Variants in TRAM2 observed in about 807,000 individuals in gnomAD.
TRAM2 encodes translocating chain-associated membrane protein 2.
A neutral mutation model predicts 51.0 loss-of-function variants in TRAM2; 12 were observed. The ratio of observed to expected loss-of-function variants is 0.24; its 90% CI spans 0.15 to 0.38. TRAM2 has a LOEUF of 0.38. Among genes scored for constraint, TRAM2 ranks in the 10% least tolerant of loss-of-function variants. The pLI is 1.00. For missense variants in TRAM2, 361 were observed against 462.0 expected (o/e 0.78, Z 2.00); for synonymous variants, 175 against 179.4 (o/e 0.98, Z 0.20).
intron 1 of TRAM2, among the ~76,000 whole-genome samples, chr6:52,560,115 C>T (rs767996472): frequency 6.6e-6 from 1 of 151,786 alleles, no homozygotes; most frequent in Non-Finnish European, 1.5e-5. Context: ...TGGTGGTGGG[C>T]GCCTGTAATC....
intron 2 of TRAM2, among the ~76,000 whole-genome samples, chr6:52,534,425 G>C (rs1399850385): frequency 6.6e-6 from 1 of 152,160 alleles, no homozygotes; most frequent in African/African-American, 2.4e-5. Context: ...AAAGAGGAAA[G>C]AACTAGGTTC....
At chr6:52,544,116 A>T (rs1005204825) in intron 1 of TRAM2, among the ~76,000 whole-genome samples, 1 of 152,192 alleles carries the variant, frequency 6.6e-6, no homozygotes, top group Admixed American at 6.5e-5. Context: ...ACAGCGATGG[A>T]GCAGGGTGAA....
chr6:52,557,444 T>C (rs1372792315), intron 1 of TRAM2, among the ~76,000 whole-genome samples: 1 of 152,156 alleles, frequency 6.6e-6, no homozygotes, highest in Non-Finnish European at 1.5e-5. Flanking sequence ...CTGAAGTAGG[T>C]ACAAGAATTT....
intron 1 of TRAM2, among the ~76,000 whole-genome samples, chr6:52,541,527 C>G (rs1767081232): frequency 6.6e-6 from 1 of 152,174 alleles, no homozygotes; most frequent in Non-Finnish European, 1.5e-5. Context: ...GAGGTCTTTC[C>G]AGAAGTTTAA....
rs1767431998 is a variant in TRAM2 at position 52,557,602 on chromosome 6, C to T, written c.120+19194G>A. 1.3e-5 allele frequency among the ~76,000 whole-genome samples: 2 copies of T among 152,176 alleles called. 1 individual carries two copies. Among genetic ancestry groups the T allele is most frequent in the South Asian group, 4.1e-4 (2 of 4,828 alleles). ...TGCATAACACCGTATTTATAAGCCC[C>T]ATGTGACATGGCAATGAGAAATGGA... is the stretch of plus-strand genomic sequence containing the variant. On this transcript the variant is annotated intron_variant, in intron 1 of 10. Transcript: ENST00000182527.
At chr6:52,506,180 G>C (rs1562474603) in intron 7 of TRAM2, 44 bp from the exon 8 acceptor site, 4 of 1,556,510 alleles carry the variant, frequency 2.6e-6, no homozygotes, top group Non-Finnish European at 3.5e-6. Flanking sequence ...CCAAGATGCT[G>C]CGTGGAGCAG....
rs146516146 is a variant in TRAM2, at chr6:52,548,377, C to T, written c.121-12531G>A. ...TAATCCTCAGCAACCCTGCAAGGAG[C>T]GACAATGACATCTAACGTGTGAGAT... On this transcript the variant is annotated intron_variant, in intron 1 of 10. Transcript: ENST00000182527. 2.4e-4 allele frequency among the ~76,000 whole-genome samples: 37 copies of T among 152,336 alleles called. 1 individual carries two copies. The South Asian group carries it at 6.2e-3, about 26-fold the overall frequency.
At chr6:52,535,928 T>C (rs1183498124) in intron 1 of TRAM2, 82 bp from the exon 2 acceptor site, 2 of 1,172,728 alleles carry the variant, frequency 1.7e-6, no homozygotes, top group East Asian at 2.4e-5. Context: ...CCGCCCCTTT[T>C]ACATCTTAGA....
At position 52,506,181 on chromosome 6, in the gene TRAM2, C is replaced by T. The variant is rs768343592; in HGVS notation, c.627-45G>A. 445 of 1,569,490 alleles carry T rather than the reference C, an allele frequency of 2.8e-4. 1 individual carries two copies. The highest frequency in any genetic ancestry group is 3.5e-4 in the Non-Finnish European group (405 of 1,145,140). ...GACTTACATTCCCTCCAAGATGCTG[C>T]GTGGAGCAGAAGCCATTGCATCTTG... On this transcript the variant is annotated intron_variant, in intron 7 of 10. Transcript: ENST00000182527.
chr6:52,497,440 A>ATATT lies in TRAM2; in HGVS notation c.*5753_*5756dup. 6.5e-6 allele frequency: 1 copy of ATATT among 152,770 alleles called. No homozygotes were observed. The highest frequency in any genetic ancestry group is 2.4e-5 in the African/African-American group (1 of 41,584). 9.5% of individuals were successfully genotyped at this position (152,770 alleles called of 1,614,324 possible). ...CTGCCTTTTATTGTTATTTCAGAAA[A>ATATT]TATTTGATCATTTGTTCCAAAATGT... On this transcript the variant is annotated 3_prime_UTR_variant, in exon 11 of 11. Transcript: ENST00000182527.
chr6:52,535,948 C>T, intron 1 of TRAM2, 102 bp from the exon 2 acceptor site: 1 of 933,698 alleles, frequency 1.1e-6, no homozygotes, highest in Admixed American at 2.3e-5. Context: ...ACCCTCAAAC[C>T]TCTTGACTGA....
At chr6:52,560,569 T>C (rs1767482301) in intron 1 of TRAM2, among the ~76,000 whole-genome samples, 2 of 152,222 alleles carry the variant, frequency 1.3e-5, no homozygotes, top group African/African-American at 4.8e-5. Context: ...AGGTGGATAT[T>C]TGGGTTATTT....
At chr6:52,522,008 T>G (rs1261758608) in intron 2 of TRAM2, among the ~76,000 whole-genome samples, 2 of 152,214 alleles carry the variant, frequency 1.3e-5, no homozygotes, top group Admixed American at 6.5e-5. Flanking sequence ...CCAGGTGTCT[T>G]AAGATAGCTG....
chr6:52,554,963 C>T (rs1767378442), intron 1 of TRAM2, among the ~76,000 whole-genome samples: 1 of 152,068 alleles, frequency 6.6e-6, no homozygotes, highest in South Asian at 2.1e-4. Flanking sequence ...ATCCTCCTGC[C>T]TCAGCCTCCC....
intron 2 of TRAM2, 36 bp from the exon 3 acceptor site, chr6:52,516,773 G>A: frequency 6.5e-7 from 1 of 1,529,396 alleles, no homozygotes; most frequent in Non-Finnish European, 9.1e-7. Context: ...AGCATCCCTG[G>A]GGGAAGGAAA....
At chr6:52,566,759 AT>A (rs1767596876) in intron 1 of TRAM2, among the ~76,000 whole-genome samples, 1 of 148,836 alleles carries the variant, frequency 6.7e-6, no homozygotes, top group Admixed American at 6.7e-5. Flanking sequence ...GCCCTCCCAT[AT>A]CTCCTTCTTT....
chr6:52,543,647 C>T (rs936245372), intron 1 of TRAM2, among the ~76,000 whole-genome samples: 2 of 152,144 alleles, frequency 1.3e-5, no homozygotes, highest in African/African-American at 4.8e-5. Context: ...AACCCCTCAC[C>T]GGTGTAGCAC....
chr6:52,510,942 T>G (rs565013072), intron 4 of TRAM2, among the ~76,000 whole-genome samples: 2 of 152,138 alleles, frequency 1.3e-5, no homozygotes, highest in Non-Finnish European at 2.9e-5. Flanking sequence ...CACCAGTTGG[T>G]TGAATGAATG....
In TRAM2 at chr6:52,499,974, T is replaced by C. The variant is rs1292246371; in HGVS notation, c.*3223A>G. ...AATAGTGCAGCTATCAGCGCCCGGA[T>C]GGTAAAAATAACTCCCATCATCACT... On this transcript the variant is annotated 3_prime_UTR_variant, in exon 11 of 11. Coordinates refer to ENST00000182527, the MANE Select transcript of TRAM2 (RefSeq NM_012288.4). 1 of 152,160 alleles carries C rather than the reference T, an allele frequency of 6.6e-6. No homozygotes were observed. Among genetic ancestry groups the C allele is most frequent in the African/African-American group, 2.4e-5 (1 of 41,418 alleles). The allele number at this position is 152,160 out of a possible 1,614,324, so 9.4% of individuals were successfully genotyped here.
Sources: allele counts gnomAD v4.1 joint callset (sites outside exome capture counted in the v4.1 genomes callset), GRCh38; gene constraint gnomAD v4.1.1; transcripts MANE v1.5; gene names NCBI Gene and HGNC (gene_info 2026-07-23, HGNC 2026-07-21).